Variants in CEP85L observed in about 807,000 individuals in gnomAD.
CEP85L encodes the protein centrosomal protein 85L.
A neutral mutation model predicts 100.3 loss-of-function variants in CEP85L; 60 were observed. The observed-to-expected ratio is 0.60, with a 90% CI of 0.49 to 0.74. The LOEUF is 0.74. Among genes scored for constraint, CEP85L ranks in the 30% least tolerant of loss-of-function variants. The probability of loss-of-function intolerance (pLI) is 0.00; values close to 1 mark genes in which losing one functional copy is unlikely to be tolerated. For missense variants in CEP85L, 973 were observed against 936.2 expected, an observed-to-expected ratio of 1.04 and a Z score of -0.51; for synonymous variants, 319 against 322.7, an observed-to-expected ratio of 0.99 and a Z score of 0.12.
At position 118,600,303 on chromosome 6, in the gene CEP85L, GTGTGTGTGTGTGTGT is replaced by G. The variant is rs1781693166; in HGVS notation, c.232+32135_232+32149del. On this transcript the variant is annotated intron_variant, in intron 2 of 12. Coordinates refer to ENST00000368491, the MANE Select transcript of CEP85L (RefSeq NM_001042475.3). Reference sequence around the variant, plus strand: ...CCTGTCCCTGAGCCTTCCTGGGGGTGTGTGTGTGTGTGTGTGTGTGTGTGTGTGTGTGTGTGTGTG... The same window carrying G: ...CCTGTCCCTGAGCCTTCCTGGGGGTGGTGTGTGTGTGTGTGTGTGTGTGTG... 3.0e-3 allele frequency among the ~76,000 whole-genome samples: 103 copies of G among 34,002 alleles called. 13 individuals carry two copies. Among genetic ancestry groups the G allele is most frequent in the South Asian group, 6.9e-3 (5 of 722 alleles). The allele number at this position is 34,002 out of a possible 152,430, so 22.3% of individuals were successfully genotyped here. A position where few individuals can be genotyped will look rare whatever the true frequency, so the allele number is the denominator to read the frequency against.
intron 4 of CEP85L, among the ~76,000 whole-genome samples, chr6:118,515,363 C>T (rs772773914): frequency 1.3e-5 from 2 of 151,988 alleles, no homozygotes; most frequent in Non-Finnish European, 2.9e-5. Flanking sequence ...ATATAAAAGA[C>T]AAAAACACTA....
At chr6:118,491,961 T>C (rs919447253) in intron 5 of CEP85L, 96 bp from the exon 6 acceptor site, 8 of 823,180 alleles carry the variant, frequency 9.7e-6, no homozygotes, top group African/African-American at 1.8e-5. Context: ...GGAGTACATA[T>C]AGGCTACATG....
intron 5 of CEP85L, among the ~76,000 whole-genome samples, chr6:118,504,891 C>T (rs1397540543): frequency 6.6e-6 from 1 of 151,752 alleles, no homozygotes; most frequent in Non-Finnish European, 1.5e-5. Context: ...GAAACAAATA[C>T]CATACATGTG....
rs541063847 is a variant in CEP85L, at chr6:118,705,810, C to T, written c.-28+4226G>A. Among the ~76,000 whole-genome samples, 132 of 152,326 alleles carry T rather than the reference C, an allele frequency of 8.7e-4. 4 individuals are homozygous for T. In the South Asian group the frequency reaches 0.025, roughly 29 times the overall value. On this transcript the variant is annotated intron_variant, in intron 1 of 13. Coordinates refer to the CEP85L transcript ENST00000368488. ...GGAATGGTAACTCCATATGTCCAAACACTAGGGCAGAGTAACAGAGATACC... is the reference window on the plus strand; with the variant it reads ...GGAATGGTAACTCCATATGTCCAAATACTAGGGCAGAGTAACAGAGATACC...
intron 11 of CEP85L, among the ~76,000 whole-genome samples, chr6:118,469,578 C>G (rs775322740): frequency 2.0e-5 from 3 of 152,114 alleles, no homozygotes; most frequent in Non-Finnish European, 4.4e-5. Context: ...CTAGGAGTCT[C>G]TCACGTAATA....
At chr6:118,519,240 G>T (rs1001075562) in intron 4 of CEP85L, among the ~76,000 whole-genome samples, 1 of 151,972 alleles carries the variant, frequency 6.6e-6, no homozygotes, top group Non-Finnish European at 1.5e-5. Flanking sequence ...CAGATCACGA[G>T]GTCAGAAGTT....
chr6:118,473,586 C>T (rs1310071462), intron 10 of CEP85L, among the ~76,000 whole-genome samples: 1 of 152,008 alleles, frequency 6.6e-6, no homozygotes, highest in East Asian at 1.9e-4. Flanking sequence ...TGAGGATCCA[C>T]TGAAGAGTTC....
At chr6:118,616,563 G>T (rs1302870047) in intron 2 of CEP85L, among the ~76,000 whole-genome samples, 1 of 151,300 alleles carries the variant, frequency 6.6e-6, no homozygotes, top group Non-Finnish European at 1.5e-5. Context: ...AGGGAGTATG[G>T]GAGGGAACCT....
intron 10 of CEP85L, among the ~76,000 whole-genome samples, chr6:118,479,006 C>T (rs775016324): frequency 3.3e-5 from 5 of 152,088 alleles, no homozygotes; most frequent in Admixed American, 6.6e-5. Flanking sequence ...TCTTGGAAAA[C>T]GTGCCCAAGT....
intron 3 of CEP85L, among the ~76,000 whole-genome samples, chr6:118,548,053 G>A (rs1778311220): frequency 6.6e-6 from 1 of 151,926 alleles, no homozygotes; most frequent in African/African-American, 2.4e-5. Flanking sequence ...TTTAACAAAA[G>A]CTTTCCACCA....
chr6:118,595,244 C>T (rs1781401926), intron 2 of CEP85L, among the ~76,000 whole-genome samples: 1 of 151,320 alleles, frequency 6.6e-6, no homozygotes, highest in African/African-American at 2.4e-5. Flanking sequence ...CCTTATGTTA[C>T]AATTTGGTAG....
chr6:118,682,771 GCACACACACACACACA>G (rs201043236), intron 1 of CEP85L, among the ~76,000 whole-genome samples: 1 of 138,174 alleles, frequency 7.2e-6, no homozygotes, highest in Non-Finnish European at 1.6e-5. Flanking sequence ...GCCTGAGCAT[GCACACACACACACACA>G]CACACACACA....
rs181742164 is a variant in CEP85L, at chr6:118,692,774, T to C, written c.-28+17262A>G. ...GCAGAAGAAACAAGACATAGATACA[T>C]TGATAGAAGTATAGATACAATGATA... On this transcript the variant is annotated intron_variant, in intron 1 of 13. Transcript: ENST00000368488. Among the ~76,000 whole-genome samples, 140 of 66,482 alleles carry C rather than the reference T, an allele frequency of 2.1e-3. 18 individuals carry two copies. The highest frequency in any genetic ancestry group is 7.1e-3 in the African/African-American group (136 of 19,072). The allele number at this position is 66,482 out of a possible 152,430, so 43.6% of individuals were successfully genotyped here. A position where few individuals can be genotyped will look rare whatever the true frequency, so the allele number is the denominator to read the frequency against.
chr6:118,660,118 T>C (rs1158967701), intron 1 of CEP85L, among the ~76,000 whole-genome samples: 1 of 152,250 alleles, frequency 6.6e-6, no homozygotes, highest in Non-Finnish European at 1.5e-5. Flanking sequence ...ACCTATCTGC[T>C]ACATGTGAAC....
intron 1 of CEP85L, among the ~76,000 whole-genome samples, chr6:118,695,559 G>A (rs1777179413): frequency 6.6e-6 from 1 of 152,160 alleles, no homozygotes; most frequent in African/African-American, 2.4e-5. Context: ...TTTCTCACAA[G>A]TACCCAAGTG....
upstream of CEP85L, among the ~76,000 whole-genome samples, chr6:118,654,306 A>G (rs1307820099): frequency 6.6e-6 from 1 of 152,180 alleles, no homozygotes; most frequent in Non-Finnish European, 1.5e-5. Context: ...ATGAGAAGGA[A>G]ACCCCATGCA....
chr6:118,639,941 C>T (rs1306973193), intron 1 of CEP85L, among the ~76,000 whole-genome samples: 1 of 151,988 alleles, frequency 6.6e-6, no homozygotes, highest in Non-Finnish European at 1.5e-5. Context: ...TTAAACTATC[C>T]CTTGAGCCAG....
chr6:118,575,820 G>T (rs1211748620), intron 2 of CEP85L, among the ~76,000 whole-genome samples: 1 of 151,696 alleles, frequency 6.6e-6, no homozygotes, highest in Admixed American at 6.6e-5. Context: ...AAACTAATGA[G>T]TAAACCCTAA....
At chr6:118,602,994 G>C (rs1781862197) in intron 2 of CEP85L, among the ~76,000 whole-genome samples, 1 of 151,960 alleles carries the variant, frequency 6.6e-6, no homozygotes, top group African/African-American at 2.4e-5. Context: ...CTAATTTTTT[G>C]TATTTTTAGT....
Sources: allele counts gnomAD v4.1 joint callset (sites outside exome capture counted in the v4.1 genomes callset), GRCh38; gene constraint gnomAD v4.1.1; transcripts MANE v1.5; gene names NCBI Gene and HGNC (gene_info 2026-07-23, HGNC 2026-07-21).